DMD: variants seen among roughly 807,000 people sequenced by gnomAD.
DMD encodes dystrophin, also known as mutant dystrophin.
In DMD, 63 loss-of-function variants were observed where a neutral mutation model predicts 330.1. That is an observed-to-expected ratio of 0.19 (90% CI 0.16 to 0.24). DMD has a LOEUF of 0.24. DMD is among the 10% of genes least tolerant of loss of function. The pLI is 1.00. For missense variants in DMD, 3,344 were observed against 2,684.1 expected (o/e 1.25, Z -5.43); for synonymous variants, 1,223 against 959.8 (o/e 1.27, Z -5.07).
At chrX:31,245,314 T>C (rs140121556) in intron 63 of DMD, among the ~76,000 whole-genome samples, 1,541 of 112,011 alleles carry the variant, frequency 0.014, 21 homozygotes, top group African/African-American at 0.047. Flanking sequence ...CCCTCATCTG[T>C]ATCTTTCCAT....
At chrX:33,257,560 A>G (rs2052879032) in intron 1 of DMD, among the ~76,000 whole-genome samples, 1 of 111,284 alleles carries the variant, frequency 9.0e-6, no homozygotes, top group African/African-American at 3.2e-5. Flanking sequence ...CATCCTTCTT[A>G]TTCAATTATG....
intron 63 of DMD, among the ~76,000 whole-genome samples, chrX:31,224,640 A>G (rs1421176476): frequency 7.5e-5 from 8 of 106,163 alleles, no homozygotes; most frequent in African/African-American, 2.8e-4. Context: ...CTTTTCCTGG[A>G]TATTTGCACA....
intron 62 of DMD, among the ~76,000 whole-genome samples, chrX:31,284,572 C>CTTCTTCTTCTTCTTCT (rs2052938949): frequency 1.3e-5 from 1 of 79,524 alleles, no homozygotes; most frequent in African/African-American, 4.9e-5. Context: ...TCTTCTTCTT[C>CTTCTTCTTCTTCTTCT]TTCTTCTTCT....
chrX:31,131,397 C>T (rs17338339), intron 77 of DMD, among the ~76,000 whole-genome samples: 3 of 111,500 alleles, frequency 2.7e-5, no homozygotes, highest in African/African-American at 9.8e-5. Flanking sequence ...ATGCATATGA[C>T]ACTGTAAATG....
At chrX:31,847,542 G>A (rs945150767) in intron 48 of DMD, among the ~76,000 whole-genome samples, 18 of 111,443 alleles carry the variant, frequency 1.6e-4, no homozygotes, top group African/African-American at 4.9e-4. Flanking sequence ...ATATTCTTTC[G>A]TACATATTTT....
chrX:31,351,555 G>A (rs984453083), intron 60 of DMD, among the ~76,000 whole-genome samples: 1 of 108,622 alleles, frequency 9.2e-6, no homozygotes, highest in Admixed American at 9.9e-5. Flanking sequence ...ATGAAACGCA[G>A]TCTCTACTAA....
At chrX:32,782,660 T>C (rs760213957) in intron 7 of DMD, among the ~76,000 whole-genome samples, 11 of 110,909 alleles carry the variant, frequency 9.9e-5, no homozygotes, top group Non-Finnish European at 1.5e-4. Context: ...CCTCCGTATC[T>C]GCGGGTTCTG....
intron 47 of DMD, among the ~76,000 whole-genome samples, chrX:31,903,570 C>A (rs769664113): frequency 1.8e-5 from 2 of 112,224 alleles, no homozygotes; most frequent in East Asian, 5.6e-4. Context: ...ACTATCCCCA[C>A]ACCAAAGCAG....
intron 1 of DMD, among the ~76,000 whole-genome samples, chrX:33,301,293 CAAAAT>C (rs1330769730): frequency 1.8e-5 from 2 of 111,186 alleles, no homozygotes; most frequent in Non-Finnish European, 3.8e-5. Context: ...AGCACCTCTT[CAAAAT>C]AGTGTGTGGA....
At chrX:31,741,174 G>A (rs1184709168) in intron 51 of DMD, among the ~76,000 whole-genome samples, 3 of 111,627 alleles carry the variant, frequency 2.7e-5, no homozygotes, top group Non-Finnish European at 3.8e-5. Flanking sequence ...CATCTGCAGT[G>A]ACTTCTTCTA....
intron 55 of DMD, among the ~76,000 whole-genome samples, chrX:31,581,992 C>A (rs1267271406): frequency 9.0e-6 from 1 of 111,717 alleles, no homozygotes; most frequent in African/African-American, 3.2e-5. Flanking sequence ...TAGCTAATTC[C>A]TTTTCTGTAA....
intron 16 of DMD, among the ~76,000 whole-genome samples, chrX:32,564,928 T>G (rs2051507114): frequency 8.9e-6 from 1 of 111,894 alleles, no homozygotes; most frequent in African/African-American, 3.2e-5. Flanking sequence ...GTAAAGTTAT[T>G]CCTTATAATG....
chrX:31,616,091 G>A (rs2078183795), intron 55 of DMD, among the ~76,000 whole-genome samples: 2 of 111,262 alleles, frequency 1.8e-5, no homozygotes, highest in African/African-American at 3.3e-5. Context: ...GTAAGCCCCA[G>A]AATCACGATT....
At chrX:32,317,773 A>G (rs888648020) in intron 41 of DMD, among the ~76,000 whole-genome samples, 3 of 110,640 alleles carry the variant, frequency 2.7e-5, no homozygotes, top group African/African-American at 9.8e-5. Context: ...AAATATATCA[A>G]TGCATCAAAA....
intron 63 of DMD, among the ~76,000 whole-genome samples, chrX:31,246,519 T>C (rs762620013): frequency 5.3e-5 from 6 of 112,556 alleles, no homozygotes; most frequent in African/African-American, 1.9e-4. Flanking sequence ...AATCAATGAC[T>C]GCCTTCAAAG....
chrX:32,286,281 A>G (rs2097440961), intron 43 of DMD, among the ~76,000 whole-genome samples: 1 of 111,704 alleles, frequency 9.0e-6, no homozygotes, highest in African/African-American at 3.3e-5. Context: ...AAATTTACAA[A>G]TGCATAAATG....
At chrX:32,571,821 C>G (rs2052454082) in intron 15 of DMD, among the ~76,000 whole-genome samples, 3 of 111,711 alleles carry the variant, frequency 2.7e-5, no homozygotes, top group Non-Finnish European at 5.6e-5. Flanking sequence ...TTTCAAACTT[C>G]TGCCTCTTAT....
intron 44 of DMD, among the ~76,000 whole-genome samples, chrX:32,165,093 G>T (rs192050564): frequency 4.4e-4 from 50 of 112,534 alleles, no homozygotes; most frequent in Middle Eastern, 4.6e-3. Context: ...GGACAGTGTG[G>T]AAGGGAAATG....
intron 9 of DMD, among the ~76,000 whole-genome samples, chrX:32,647,074 C>T (rs756300473): frequency 1.8e-5 from 2 of 111,152 alleles, no homozygotes; most frequent in East Asian, 5.7e-4. Flanking sequence ...GAGAGATGTG[C>T]GCAGGTGGAA....
Sources: gnomAD v4.1 joint callset for allele counts (sites outside exome capture counted in the v4.1 genomes callset) on GRCh38, gnomAD v4.1.1 for gene constraint, MANE v1.5 for transcripts, NCBI Gene and HGNC (gene_info 2026-07-23, HGNC 2026-07-21) for gene names.